Variants in PKIG observed in about 807,000 individuals in gnomAD.
PKIG encodes the protein cAMP-dependent protein kinase inhibitor gamma.
PKIG carries 1 observed loss-of-function variant against 6.8 expected under a neutral mutation model. That is an observed-to-expected ratio of 0.15 (90% confidence interval 0.05 to 0.69). The LOEUF is 0.69. Ranked by LOEUF, PKIG falls within the 30% of genes least tolerant of loss-of-function variation. The pLI is 0.82. For missense variants in PKIG, 77 were observed against 104.0 expected (o/e 0.74, Z 1.13); for synonymous variants, 39 against 43.0 (o/e 0.91, Z 0.36).
At chr20:44,617,162 C>A (rs1309779515) in intron 3 of PKIG, among the ~76,000 whole-genome samples, 1 of 152,158 alleles carries the variant, frequency 6.6e-6, no homozygotes, top group Non-Finnish European at 1.5e-5. Flanking sequence ...CATCTGCAGA[C>A]CCTGGAGCTT....
intron 2 of PKIG, among the ~76,000 whole-genome samples, chr20:44,610,498 T>TCACACACACACACACACACACACACA (rs1379954369): frequency 1.7e-5 from 2 of 119,566 alleles, no homozygotes; most frequent in Non-Finnish European, 3.5e-5. Flanking sequence ...TCTCTCTCTC[T>TCACACACACACACACACACACACACA]CTCACACACA....
chr20:44,538,273 A>G (rs1392976740), intron 1 of PKIG, among the ~76,000 whole-genome samples: 1 of 152,214 alleles, frequency 6.6e-6, no homozygotes, highest in Admixed American at 6.5e-5. Flanking sequence ...ATGTAAATCC[A>G]TGATATCATT....
chr20:44,539,444 A>C (rs2064541248), intron 1 of PKIG, among the ~76,000 whole-genome samples: 1 of 150,440 alleles, frequency 6.6e-6, no homozygotes, highest in Non-Finnish European at 1.5e-5. Context: ...TTTTGAACGA[A>C]GTTTTGCTCT....
chr20:44,575,278 G>T (rs1335148746), intron 1 of PKIG, among the ~76,000 whole-genome samples: 2 of 152,182 alleles, frequency 1.3e-5, no homozygotes, highest in East Asian at 3.8e-4. Flanking sequence ...GAGTGCAATG[G>T]CATGATCTCG....
At chr20:44,576,831 A>G (rs2064902551) in intron 1 of PKIG, among the ~76,000 whole-genome samples, 1 of 152,198 alleles carries the variant, frequency 6.6e-6, no homozygotes, top group African/African-American at 2.4e-5. Flanking sequence ...GGGAGGGGAC[A>G]GTGTGATATC....
intron 1 of PKIG, among the ~76,000 whole-genome samples, chr20:44,552,303 G>C (rs73296391): frequency 0.07 from 10,699 of 152,244 alleles, 412 homozygotes; most frequent in South Asian, 0.15. Flanking sequence ...CAGACTGCCT[G>C]TGTTACATTT....
At chr20:44,564,466 T>A (rs1387167484) in intron 1 of PKIG, 2 of 152,178 alleles carry the variant, frequency 1.3e-5, no homozygotes, top group Admixed American at 1.3e-4. Context: ...TTGTACTATT[T>A]TAGTGTTTTT....
chr20:44,548,007 G>A (rs1019710919), intron 1 of PKIG, among the ~76,000 whole-genome samples: 1 of 151,916 alleles, frequency 6.6e-6, no homozygotes, highest in Non-Finnish European at 1.5e-5. Context: ...GTGAAACCTC[G>A]TCTCTACTAA....
At chr20:44,593,954 A>G (rs926242028) in intron 2 of PKIG, among the ~76,000 whole-genome samples, 3 of 152,216 alleles carry the variant, frequency 2.0e-5, no homozygotes, top group African/African-American at 4.8e-5. Flanking sequence ...CTCAAAGAGT[A>G]TGGTTTATAG....
chr20:44,580,726 C>T (rs536086968), upstream of PKIG, among the ~76,000 whole-genome samples: 2 of 152,228 alleles, frequency 1.3e-5, no homozygotes, highest in Non-Finnish European at 2.9e-5. Context: ...TTGACAAACT[C>T]CCTCCTAATA....
intron 2 of PKIG, among the ~76,000 whole-genome samples, chr20:44,606,509 T>A (rs2065164796): frequency 6.6e-6 from 1 of 152,098 alleles, no homozygotes; most frequent in Admixed American, 6.6e-5. Flanking sequence ...ATTAGGCACC[T>A]TTTATAAAAG....
rs576285555 is a variant in PKIG at position 44,567,210 on chromosome 20, C to T, written c.-240-15375C>T. ...ATGCAGGCTGGGGAAAGCCATCTAA[C>T]TACACCATGAGACTTCCCTAGAGAA... is the stretch of plus-strand genomic sequence containing the variant. On this transcript the variant is annotated intron_variant, in intron 1 of 4. Transcript: ENST00000372887. Among the ~76,000 whole-genome samples, 20 of 152,302 alleles carry T rather than the reference C, an allele frequency of 1.3e-4. No individual in the cohort carries two copies. In the East Asian group the frequency reaches 3.7e-3, roughly 28 times the overall value.
In PKIG at chr20:44,617,232, G is replaced by A. The variant is rs374323596; in HGVS notation, c.152-1053G>A. 3.3e-5 allele frequency among the ~76,000 whole-genome samples: 5 copies of A among 152,188 alleles called. No homozygotes were observed. In the East Asian group the frequency reaches 5.8e-4, roughly 18 times the overall value. ...GGCTTAGCCTGAAGGATAAAAAGGT[G>A]TGGTCTGGTTGGGCTGGATTTGAAC... is the stretch of plus-strand genomic sequence containing the variant. On this transcript the variant is annotated intron_variant, in intron 3 of 3. Transcript: ENST00000372886.
intron 2 of PKIG, among the ~76,000 whole-genome samples, chr20:44,610,448 CTCTG>C (rs1206032788): frequency 6.6e-6 from 1 of 150,596 alleles, no homozygotes; most frequent in Non-Finnish European, 1.5e-5. Context: ...TGATCCTCTT[CTCTG>C]TCTCTCTCTT....
At chr20:44,608,608 C>T (rs1035059813) in intron 2 of PKIG, among the ~76,000 whole-genome samples, 4 of 152,012 alleles carry the variant, frequency 2.6e-5, no homozygotes, top group Middle Eastern at 6.8e-3. Context: ...TTTGAGACCA[C>T]GAGTTTGAGA....
intron 2 of PKIG, among the ~76,000 whole-genome samples, chr20:44,596,427 G>T (rs752860183): frequency 6.6e-6 from 1 of 152,238 alleles, no homozygotes; most frequent in Non-Finnish European, 1.5e-5. Context: ...AAGACTGGAG[G>T]TGTGGGGGGA....
chr20:44,537,355 G>A (rs984189048), intron 1 of PKIG, among the ~76,000 whole-genome samples: 1 of 152,090 alleles, frequency 6.6e-6, no homozygotes, highest in Non-Finnish European at 1.5e-5. Context: ...CACTCGCCTT[G>A]GCCTCCCAAA....
upstream of PKIG, among the ~76,000 whole-genome samples, chr20:44,579,639 A>C (rs1430386713): frequency 1.3e-5 from 2 of 152,246 alleles, no homozygotes; most frequent in Admixed American, 6.5e-5. Context: ...GCCCCAGCCC[A>C]CATAAGTGTG....
At chr20:44,568,760 AT>A (rs915882608) in intron 1 of PKIG, among the ~76,000 whole-genome samples, 143 of 151,758 alleles carry the variant, frequency 9.4e-4, no homozygotes, top group African/African-American at 3.2e-3. Flanking sequence ...TTATGTGACT[AT>A]TTTTTTTAAT....
Sources: gnomAD v4.1 joint callset for allele counts (sites outside exome capture counted in the v4.1 genomes callset) on GRCh38, gnomAD v4.1.1 for gene constraint, MANE v1.5 for transcripts, NCBI Gene and HGNC (gene_info 2026-07-23, HGNC 2026-07-21) for gene names.